Variants in ZNF385D observed in about 807,000 individuals in gnomAD.
ZNF385D encodes the protein zinc finger protein 385D, also known as zinc finger protein 659.
A neutral mutation model predicts 35.8 loss-of-function variants in ZNF385D; 15 were observed. That is an observed-to-expected ratio of 0.42 (90% confidence interval 0.28 to 0.64). The LOEUF (loss-of-function observed/expected upper bound fraction) is 0.64. Among genes scored for constraint, ZNF385D ranks in the 30% least tolerant of loss-of-function variants. The pLI, the probability that ZNF385D is intolerant of heterozygous loss-of-function variation, is 0.23. For synonymous variants in ZNF385D, 212 were observed against 186.8 expected, an observed-to-expected ratio of 1.13 and a Z score of -1.10; for missense variants, 474 against 494.6, an observed-to-expected ratio of 0.96 and a Z score of 0.39.
chr3:22,010,908 C>T (rs1482066891), intron 3 of ZNF385D, among the ~76,000 whole-genome samples: 3 of 152,056 alleles, frequency 2.0e-5, no homozygotes, highest in Non-Finnish European at 4.4e-5. Flanking sequence ...TCCTCCCATC[C>T]TCCCACCACT....
chr3:22,135,422 A>T (rs1374591439), intron 3 of ZNF385D, among the ~76,000 whole-genome samples: 2 of 152,182 alleles, frequency 1.3e-5, no homozygotes, highest in East Asian at 3.8e-4. Context: ...ATAGTTTCAA[A>T]CACTGTAACA....
intron 3 of ZNF385D, among the ~76,000 whole-genome samples, chr3:21,976,679 G>C (rs1399616969): frequency 6.6e-6 from 1 of 152,126 alleles, no homozygotes; most frequent in African/African-American, 2.4e-5. Flanking sequence ...TCCATAAAAT[G>C]GAAAATTATT....
chr3:22,287,350 C>A (rs1273640553), intron 2 of ZNF385D, among the ~76,000 whole-genome samples: 3 of 151,952 alleles, frequency 2.0e-5, no homozygotes, highest in African/African-American at 7.2e-5. Context: ...TATTGCAAAT[C>A]TTAATCCATT....
At chr3:22,328,925 AAAT>A (rs965911045) in intron 2 of ZNF385D, among the ~76,000 whole-genome samples, 1 of 151,720 alleles carries the variant, frequency 6.6e-6, no homozygotes, top group African/African-American at 2.4e-5. Context: ...AATACAAAAA[AAAT>A]TAGCTGGGCG....
chr3:21,531,068 G>A (rs2061910672), intron 3 of ZNF385D, among the ~76,000 whole-genome samples: 2 of 152,168 alleles, frequency 1.3e-5, no homozygotes, highest in Non-Finnish European at 2.9e-5. Flanking sequence ...ATACATGATA[G>A]CTATAGATAT....
intron 2 of ZNF385D, among the ~76,000 whole-genome samples, chr3:22,277,826 T>C (rs994327659): frequency 6.6e-6 from 1 of 152,062 alleles, no homozygotes; most frequent in East Asian, 1.9e-4. Context: ...AAGCATTACA[T>C]GATGAAAGAG....
At chr3:22,199,846 T>A (rs1199573070) in intron 2 of ZNF385D, among the ~76,000 whole-genome samples, 1 of 152,096 alleles carries the variant, frequency 6.6e-6, no homozygotes, top group Non-Finnish European at 1.5e-5. Context: ...TGAATTACAT[T>A]TTTAAACAGG....
At position 21,537,259 on chromosome 3, in the gene ZNF385D, A is replaced by C. The variant is rs1192403160; in HGVS notation, c.277-26236T>G. Among the ~76,000 whole-genome samples, 4 of 150,998 alleles carry C rather than the reference A, an allele frequency of 2.6e-5. No homozygotes were observed. The East Asian group carries it at 5.9e-4, about 22-fold the overall frequency. On this transcript the variant is annotated intron_variant, in intron 3 of 7. Transcript: ENST00000281523. Reference sequence around the variant, plus strand: ...GCGATTCTCCTGCCTCAGCCTCCCAAGTAGCTGGGATTACAGGTGCCTGCC... The same window carrying C: ...GCGATTCTCCTGCCTCAGCCTCCCACGTAGCTGGGATTACAGGTGCCTGCC...
chr3:21,699,723 AAATT>A (rs557667781), intron 1 of ZNF385D, among the ~76,000 whole-genome samples: 26 of 151,998 alleles, frequency 1.7e-4, no homozygotes, highest in South Asian at 8.3e-4. Context: ...TACATTATTT[AAATT>A]AATTTTCCTT....
intron 3 of ZNF385D, among the ~76,000 whole-genome samples, chr3:21,941,181 A>G (rs926646443): frequency 6.6e-6 from 1 of 152,168 alleles, no homozygotes; most frequent in African/African-American, 2.4e-5. Context: ...AGGAAACAAA[A>G]TATTTGGGTT....
At chr3:21,893,439 G>A (rs929362026) in intron 3 of ZNF385D, among the ~76,000 whole-genome samples, 1 of 151,908 alleles carries the variant, frequency 6.6e-6, no homozygotes. Context: ...GCACTGGTCT[G>A]TGGTCTGGGA....
At chr3:21,647,001 A>T (rs2065770315) in intron 2 of ZNF385D, among the ~76,000 whole-genome samples, 1 of 152,194 alleles carries the variant, frequency 6.6e-6, no homozygotes, top group Non-Finnish European at 1.5e-5. Flanking sequence ...TCTTAATGGC[A>T]TATCCAGTTT....
intron 2 of ZNF385D, among the ~76,000 whole-genome samples, chr3:22,231,814 A>T (rs1576535339): frequency 6.6e-6 from 1 of 151,994 alleles, no homozygotes; most frequent in Admixed American, 6.6e-5. Context: ...AAATGATTGG[A>T]TCATAGGGGT....
chr3:22,077,219 C>G (rs1817441), intron 3 of ZNF385D, among the ~76,000 whole-genome samples: 12,170 of 151,860 alleles, frequency 0.08, 622 homozygotes, highest in Middle Eastern at 0.17. Flanking sequence ...CATTTCTTTA[C>G]TCTTTTACTG....
rs111531656 is a variant in ZNF385D at position 21,771,192 on chromosome 3, G to A, written c.326-106164C>T. 5.6e-3 allele frequency among the ~76,000 whole-genome samples: 842 copies of A among 151,462 alleles called. 14 individuals are homozygous for A. Among genetic ancestry groups the A allele is most frequent in the African/African-American group, 0.02 (812 of 41,304 alleles). ...CAACATGGCACATGTATACATATGT[G>A]ACAAACCTGCACGTTGTGGACATGT... On this transcript the variant is annotated intron_variant, in intron 3 of 5. Coordinates refer to the ZNF385D transcript ENST00000494108.
chr3:22,093,722 T>A (rs1701451012), intron 3 of ZNF385D, among the ~76,000 whole-genome samples: 1 of 152,168 alleles, frequency 6.6e-6, no homozygotes, highest in South Asian at 2.1e-4. Flanking sequence ...ATTTTTATTT[T>A]TTCAGGGATT....
intron 2 of ZNF385D, among the ~76,000 whole-genome samples, chr3:22,272,533 AC>A (rs933943693): frequency 2.6e-5 from 4 of 151,896 alleles, no homozygotes; most frequent in Non-Finnish European, 5.9e-5. Context: ...GGGAGCAGAA[AC>A]CTCTGCTTTT....
intron 2 of ZNF385D, among the ~76,000 whole-genome samples, chr3:22,212,370 G>A (rs1467930845): frequency 2.0e-5 from 3 of 152,096 alleles, no homozygotes; most frequent in East Asian, 1.9e-4. Context: ...ATATGCATAT[G>A]TCTTTCTGCA....
At chr3:22,326,024 C>A (rs566017777) in intron 2 of ZNF385D, among the ~76,000 whole-genome samples, 1 of 152,234 alleles carries the variant, frequency 6.6e-6, no homozygotes, top group Non-Finnish European at 1.5e-5. Context: ...CACACTGGCT[C>A]TCTTCCCTCC....
Sources: gnomAD v4.1 joint callset for allele counts (sites outside exome capture counted in the v4.1 genomes callset) on GRCh38, gnomAD v4.1.1 for gene constraint, MANE v1.5 for transcripts, NCBI Gene and HGNC (gene_info 2026-07-23, HGNC 2026-07-21) for gene names.